The following ITGBL1 variants were observed in gnomAD, a reference collection of about 807,000 sequenced individuals.
ITGBL1 encodes integrin beta-like protein 1.
Under a neutral mutation model 68.5 loss-of-function variants are expected in ITGBL1, and 51 were observed. The ratio of observed to expected loss-of-function variants is 0.74; its 90% CI spans 0.59 to 0.94. The LOEUF (loss-of-function observed/expected upper bound fraction) is 0.94. ITGBL1 is among the 40% of genes least tolerant of loss of function. The pLI, the probability that ITGBL1 is intolerant of heterozygous loss-of-function variation, is 0.00. For synonymous variants in ITGBL1, 209 were observed against 227.3 expected, an observed-to-expected ratio of 0.92 and a Z score of 0.72; for missense variants, 649 against 647.4, an observed-to-expected ratio of 1.00 and a Z score of -0.03.
intron 7 of ITGBL1, among the ~76,000 whole-genome samples, chr13:101,671,233 G>A (rs1332894647): frequency 2.6e-5 from 4 of 152,036 alleles, no homozygotes; most frequent in African/African-American, 4.8e-5. Flanking sequence ...ATACATTCAT[G>A]AAACTGCTAA....
intron 2 of ITGBL1, among the ~76,000 whole-genome samples, chr13:101,481,298 T>C (rs569250376): frequency 4.6e-5 from 7 of 151,858 alleles, no homozygotes; most frequent in African/African-American, 1.7e-4. Flanking sequence ...AGGAAAAAGA[T>C]AAAAGCCTTC....
At chr13:101,602,680 A>G (rs1282268571) in intron 7 of ITGBL1, among the ~76,000 whole-genome samples, 1 of 152,034 alleles carries the variant, frequency 6.6e-6, no homozygotes, top group Non-Finnish European at 1.5e-5. Flanking sequence ...TTCCAAAAAA[A>G]AAGTTTATCA....
intron 2 of ITGBL1, among the ~76,000 whole-genome samples, chr13:101,502,773 A>C (rs1351513933): frequency 6.6e-6 from 1 of 152,196 alleles, no homozygotes; most frequent in Admixed American, 6.5e-5. Flanking sequence ...ACCAGTAAGA[A>C]TGCCAGAGGC....
intron 7 of ITGBL1, among the ~76,000 whole-genome samples, chr13:101,605,185 CAT>C (rs768537169): frequency 2.0e-4 from 12 of 59,330 alleles, no homozygotes; most frequent in African/African-American, 2.5e-4. Context: ...CACATATAGA[CAT>C]AGGCATGTGT....
intron 7 of ITGBL1, among the ~76,000 whole-genome samples, chr13:101,626,955 A>C (rs1265452801): frequency 6.6e-6 from 1 of 152,202 alleles, no homozygotes; most frequent in Non-Finnish European, 1.5e-5. Flanking sequence ...ACTAGGAGGC[A>C]GAAGATCTGA....
intron 2 of ITGBL1, among the ~76,000 whole-genome samples, chr13:101,542,220 A>C (rs567121519): frequency 5.9e-5 from 9 of 152,242 alleles, no homozygotes; most frequent in African/African-American, 1.9e-4. Flanking sequence ...TGTACACACT[A>C]CTTTGAATGT....
At chr13:101,578,550 T>A (rs2050401860) in intron 4 of ITGBL1, among the ~76,000 whole-genome samples, 1 of 152,180 alleles carries the variant, frequency 6.6e-6, no homozygotes, top group African/African-American at 2.4e-5. Context: ...GATAATTCAC[T>A]ACAGATGGCT....
intron 2 of ITGBL1, among the ~76,000 whole-genome samples, chr13:101,479,392 G>C (rs9557669): frequency 0.14 from 21,636 of 152,012 alleles, 2,049 homozygotes; most frequent in East Asian, 0.43. Context: ...TAGGACATCG[G>C]TCTGGGCAAA....
At chr13:101,628,165 C>T (rs73556055) in intron 7 of ITGBL1, among the ~76,000 whole-genome samples, 1 of 152,220 alleles carries the variant, frequency 6.6e-6, no homozygotes, top group East Asian at 1.9e-4. Context: ...GGTATTTCAT[C>T]GTTTTAATTT....
intron 2 of ITGBL1, among the ~76,000 whole-genome samples, chr13:101,457,056 C>A (rs1335730723): frequency 6.6e-6 from 1 of 152,160 alleles, no homozygotes; most frequent in Admixed American, 6.6e-5. Flanking sequence ...ATAACAGTAC[C>A]TAACTTATAG....
At chr13:101,675,170 C>T (rs897665769) in intron 7 of ITGBL1, among the ~76,000 whole-genome samples, 1 of 151,800 alleles carries the variant, frequency 6.6e-6, no homozygotes, top group Non-Finnish European at 1.5e-5. Flanking sequence ...AGTCTTGTTG[C>T]TTTTTCCTTT....
Position 101,474,175 on chromosome 13 carries a change from C to T in ITGBL1, c.316+20075C>T, listed in dbSNP as rs146661378. Among the ~76,000 whole-genome samples the T allele has an allele frequency of 4.7e-3, 722 of 152,208 alleles. 6 individuals carry two copies. Among genetic ancestry groups the T allele is most frequent in the African/African-American group, 0.016 (683 of 41,536 alleles). The stretch of plus-strand genomic sequence containing the variant: ...AGTTCTACAGTTCTAGGCCTTGACT[C>T]CTGGATGGCATTTCTGGACCCACAC... On this transcript the variant is annotated intron_variant, in intron 2 of 10. Coordinates refer to ENST00000376180, the MANE Select transcript of ITGBL1 (RefSeq NM_004791.3).
chr13:101,583,655 T>G (rs377390108), intron 6 of ITGBL1, among the ~76,000 whole-genome samples: 6 of 152,268 alleles, frequency 3.9e-5, no homozygotes, highest in Admixed American at 3.3e-4. Context: ...AACATATGCA[T>G]CTACTATGTA....
chr13:101,512,552 G>A (rs1226081024), intron 2 of ITGBL1, among the ~76,000 whole-genome samples: 1 of 152,168 alleles, frequency 6.6e-6, no homozygotes, highest in Non-Finnish European at 1.5e-5. Flanking sequence ...GATACAGATT[G>A]TATTTAAACA....
chr13:101,694,170 G>A (rs1342509945), intron 8 of ITGBL1, among the ~76,000 whole-genome samples: 2 of 152,078 alleles, frequency 1.3e-5, no homozygotes, highest in Admixed American at 6.6e-5. Context: ...ACACCAACGT[G>A]TTTTAACAAT....
intron 2 of ITGBL1, among the ~76,000 whole-genome samples, chr13:101,491,160 C>T (rs1306457250): frequency 6.6e-6 from 1 of 152,152 alleles, no homozygotes; most frequent in Non-Finnish European, 1.5e-5. Flanking sequence ...GAAACTCTGT[C>T]TGCTTCTCTG....
intron 7 of ITGBL1, among the ~76,000 whole-genome samples, chr13:101,683,728 C>CT (rs1273424338): frequency 1.3e-5 from 2 of 151,970 alleles, no homozygotes; most frequent in African/African-American, 4.8e-5. Flanking sequence ...ATTGCCAATG[C>CT]TTATTAGGGT....
At chr13:101,472,185 G>A (rs184221336) in intron 2 of ITGBL1, among the ~76,000 whole-genome samples, 1 of 152,066 alleles carries the variant, frequency 6.6e-6, no homozygotes, top group East Asian at 1.9e-4. Context: ...CCTAAATATA[G>A]ACTTAATGTC....
At chr13:101,677,871 T>C (rs1198441344) in intron 7 of ITGBL1, among the ~76,000 whole-genome samples, 6 of 152,178 alleles carry the variant, frequency 3.9e-5, no homozygotes, top group African/African-American at 1.4e-4. Flanking sequence ...GTTCTGCATA[T>C]GTTTGACACG....
Sources: gnomAD v4.1 joint callset for allele counts (sites outside exome capture counted in the v4.1 genomes callset) on GRCh38, gnomAD v4.1.1 for gene constraint, MANE v1.5 for transcripts, NCBI Gene and HGNC (gene_info 2026-07-23, HGNC 2026-07-21) for gene names.